Variants in AGBL1 observed in about 807,000 individuals in gnomAD.
The protein encoded by AGBL1 is AGBL carboxypeptidase 1, also known as cytosolic carboxypeptidase 4.
A neutral mutation model predicts 118.9 loss-of-function variants in AGBL1; 130 were observed. The ratio of observed to expected loss-of-function variants is 1.09; its 90% CI spans 0.95 to 1.26. AGBL1 has a LOEUF of 1.26. AGBL1 is among the 50% of genes most tolerant of loss of function. AGBL1 has a pLI of 0.00. For missense variants in AGBL1, 1,584 were observed against 1,298.1 expected (o/e 1.22, Z -3.38); for synonymous variants, 555 against 478.9 (o/e 1.16, Z -2.08).
At chr15:86,261,693 G>A (rs943791803) in intron 9 of AGBL1, among the ~76,000 whole-genome samples, 1 of 151,702 alleles carries the variant, frequency 6.6e-6, no homozygotes, top group Admixed American at 6.6e-5. Flanking sequence ...TTCATTCCTG[G>A]TGTCTTTTCT....
chr15:86,402,976 C>A (rs1210446052), intron 18 of AGBL1, among the ~76,000 whole-genome samples: 1 of 152,158 alleles, frequency 6.6e-6, no homozygotes, highest in African/African-American at 2.4e-5. Flanking sequence ...ATCAGGAGGA[C>A]TGATCCAGCG....
intron 17 of AGBL1, among the ~76,000 whole-genome samples, chr15:86,335,342 G>T (rs1447915839): frequency 1.3e-5 from 2 of 152,084 alleles, no homozygotes; most frequent in African/African-American, 4.8e-5. Flanking sequence ...GTTTCACTGT[G>T]TTGGCCAGGA....
chr15:86,460,730 C>T (rs963650422), intron 18 of AGBL1, among the ~76,000 whole-genome samples: 1 of 152,142 alleles, frequency 6.6e-6, no homozygotes, highest in South Asian at 2.1e-4. Context: ...ATTAATTGGC[C>T]TTCCTTGCCG....
chr15:86,637,571 ATAT>A (rs1263554553), intron 21 of AGBL1, among the ~76,000 whole-genome samples: 2 of 152,210 alleles, frequency 1.3e-5, no homozygotes, highest in Non-Finnish European at 1.5e-5. Flanking sequence ...AGCTACAAAA[ATAT>A]TATGTACAAT....
At chr15:86,510,000 T>C (rs1292521358) in intron 18 of AGBL1, among the ~76,000 whole-genome samples, 1 of 151,528 alleles carries the variant, frequency 6.6e-6, no homozygotes, top group African/African-American at 2.4e-5. Flanking sequence ...ATCCATTTTC[T>C]CCTACCAGGA....
intron 22 of AGBL1, among the ~76,000 whole-genome samples, chr15:86,745,362 A>G (rs935141228): frequency 2.6e-5 from 4 of 152,200 alleles, no homozygotes; most frequent in African/African-American, 9.6e-5. Context: ...ACAAGTATAG[A>G]AAATATTAAG....
chr15:86,690,857 C>A (rs1397624211), intron 22 of AGBL1, among the ~76,000 whole-genome samples: 1 of 152,046 alleles, frequency 6.6e-6, no homozygotes, highest in African/African-American at 2.4e-5. Flanking sequence ...TCTCAGCAAT[C>A]TCATTAGTAG....
At chr15:86,948,022 A>G (rs1216837473) in intron 23 of AGBL1, among the ~76,000 whole-genome samples, 2 of 152,212 alleles carry the variant, frequency 1.3e-5, no homozygotes, top group East Asian at 1.9e-4. Flanking sequence ...ATCTACCTCA[A>G]AAGATGAAAG....
chr15:86,441,422 T>C (rs2082063331), intron 18 of AGBL1, among the ~76,000 whole-genome samples: 1 of 152,244 alleles, frequency 6.6e-6, no homozygotes, highest in Non-Finnish European at 1.5e-5. Context: ...ATGTACCACC[T>C]TTTAAGCAGT....
rs141343325 is a variant in AGBL1, at chr15:86,632,673, G to A, written c.2995-41600G>A. Among the ~76,000 whole-genome samples the A allele has an allele frequency of 2.7e-5, 4 of 147,534 alleles. No individual in the cohort carries two copies. The East Asian group carries it at 7.9e-4, about 29-fold the overall frequency. On this transcript the variant is annotated intron_variant, in intron 21 of 22. Transcript: ENST00000614907. ...TTTTCACAAAGGCTTCCTTCTCTGT[G>A]AGCTCAAACTAACCCATGTAATTTT...
intron 22 of AGBL1, among the ~76,000 whole-genome samples, chr15:86,851,993 T>G (rs2079413546): frequency 6.6e-6 from 1 of 152,208 alleles, no homozygotes; most frequent in Non-Finnish European, 1.5e-5. Context: ...ACCATTGTCA[T>G]GGCAGCTACT....
chr15:86,362,333 A>T (rs1173689701), intron 17 of AGBL1, among the ~76,000 whole-genome samples: 1 of 152,184 alleles, frequency 6.6e-6, no homozygotes, highest in African/African-American at 2.4e-5. Flanking sequence ...GGTTTATATT[A>T]CACCATTGCA....
intron 18 of AGBL1, among the ~76,000 whole-genome samples, chr15:86,450,175 G>A (rs185793594): frequency 4.6e-4 from 70 of 152,238 alleles, no homozygotes; most frequent in African/African-American, 1.5e-3. Context: ...GCCACCTCCC[G>A]TGATGCATGG....
intron 20 of AGBL1, 68 bp from the exon 21 acceptor site, chr15:86,554,293 C>G (rs893918289): frequency 7.6e-7 from 1 of 1,313,450 alleles, no homozygotes; most frequent in African/African-American, 1.5e-5. Flanking sequence ...TGTTGAGAAG[C>G]TATTTTTATG....
At chr15:86,747,196 C>T (rs1239193801) in intron 22 of AGBL1, among the ~76,000 whole-genome samples, 4 of 151,870 alleles carry the variant, frequency 2.6e-5, no homozygotes, top group Non-Finnish European at 4.4e-5. Flanking sequence ...AAATCCATGG[C>T]CATGAGAGGA....
chr15:86,672,165 G>A (rs1326341617), intron 21 of AGBL1, among the ~76,000 whole-genome samples: 1 of 152,086 alleles, frequency 6.6e-6, no homozygotes, highest in African/African-American at 2.4e-5. Context: ...AATATCAAAG[G>A]GCAAAATGGA....
At chr15:87,019,643 A>G (rs2081642072) in intron 24 of AGBL1, among the ~76,000 whole-genome samples, 1 of 152,170 alleles carries the variant, frequency 6.6e-6, no homozygotes. Flanking sequence ...GGAAATTTAT[A>G]GCACTAAATG....
At chr15:86,619,080 G>A (rs1242840656) in intron 21 of AGBL1, among the ~76,000 whole-genome samples, 3 of 152,030 alleles carry the variant, frequency 2.0e-5, no homozygotes, top group Non-Finnish European at 4.4e-5. Context: ...CCAGAGTGCT[G>A]AGGTTCAAAC....
intron 21 of AGBL1, among the ~76,000 whole-genome samples, chr15:86,645,157 A>G (rs995211865): frequency 1.7e-4 from 26 of 152,338 alleles, no homozygotes; most frequent in African/African-American, 5.3e-4. Flanking sequence ...TTATTGTGAA[A>G]TGGTGTGGTT....
Sources: allele counts gnomAD v4.1 joint callset (sites outside exome capture counted in the v4.1 genomes callset), GRCh38; gene constraint gnomAD v4.1.1; transcripts MANE v1.5; gene names NCBI Gene and HGNC (gene_info 2026-07-23, HGNC 2026-07-21).